The following NLRC5 variants were observed in gnomAD, a reference collection of about 807,000 sequenced individuals.
NLRC5 encodes NLR family CARD domain containing 5.
A neutral mutation model predicts 206.9 loss-of-function variants in NLRC5; 114 were observed. The ratio of observed to expected loss-of-function variants is 0.55; its 90% CI spans 0.47 to 0.64. The LOEUF (loss-of-function observed/expected upper bound fraction) is 0.64. Ranked by LOEUF, NLRC5 falls within the 30% of genes least tolerant of loss-of-function variation. The pLI, the probability that NLRC5 is intolerant of heterozygous loss-of-function variation, is 0.00. For missense variants in NLRC5, 2,008 were observed against 2,305.5 expected (o/e 0.87, Z 2.64); for synonymous variants, 952 against 962.8 (o/e 0.99, Z 0.21).
Position 57,041,467 on chromosome 16 carries a change from G to GT in NLRC5, c.2940-13dup, listed in dbSNP as rs35622257. The stretch of plus-strand genomic sequence containing the variant: ...TGTTCAGTGGGGCATGCAGCACTGT[G>GT]TTTTTGTCCCTGGGCAGGCTGACAC... On this transcript the variant is annotated splice_polypyrimidine_tract_variant and intron_variant, in intron 17 of 48. Coordinates refer to ENST00000688547, the MANE Select transcript of NLRC5 (RefSeq NM_001384950.1). The GT allele has an allele frequency of 0.28, 447,940 of 1,610,244 alleles. 65,697 individuals carry two copies. The highest frequency in any genetic ancestry group is 0.31 in the Admixed American group (18,279 of 59,898).
chr16:57,037,168 A>G (rs775514947), intron 14 of NLRC5, 27 bp from the exon 15 acceptor site: 6 of 1,601,634 alleles, frequency 3.7e-6, no homozygotes, highest in Admixed American at 3.3e-5. Flanking sequence ...CCACATGCCA[A>G]CGGCTGCCTT....
chr16:57,064,270 A>G (rs1459909832), intron 32 of NLRC5, among the ~76,000 whole-genome samples: 1 of 152,282 alleles, frequency 6.6e-6, no homozygotes, highest in Admixed American at 6.5e-5. Flanking sequence ...AGAAATACAT[A>G]AAGAAAATAG....
rs199475990 is a variant in NLRC5 at position 57,043,704 on chromosome 16, G to C, written c.3203+100G>C. The C allele has an allele frequency of 1.6e-4, 141 of 895,608 alleles. 1 individual carries two copies. The highest frequency in any genetic ancestry group is 1.1e-3 in the East Asian group (44 of 41,604). The allele number at this position is 895,608 out of a possible 1,614,324, so 55.5% of individuals were successfully genotyped here. A position where few individuals can be genotyped will look rare whatever the true frequency, so the allele number is the denominator to read the frequency against. On this transcript the variant is annotated intron_variant, in intron 20 of 48. Transcript: ENST00000688547. Reference sequence around the variant, plus strand: ...TTGTCCACCAGTTTCATGCCAACCTGTCATCCTCAGCACCTTGGGCAGTAC... The same window carrying C: ...TTGTCCACCAGTTTCATGCCAACCTCTCATCCTCAGCACCTTGGGCAGTAC...
At chr16:57,047,953 C>T (rs1355262652) in intron 23 of NLRC5, 1 of 365,584 alleles carries the variant, frequency 2.7e-6, no homozygotes, top group East Asian at 4.8e-5. Flanking sequence ...CCACTTGAAC[C>T]TGCCTGCATG....
chr16:57,082,603 T>G lies in NLRC5; in HGVS notation c.*75T>G. ...TCCACCTTTCGCCCACTGGGATAATTGACTCAGGAAAGAAGAGCCTCGGCA... is the reference window on the plus strand; with the variant it reads ...TCCACCTTTCGCCCACTGGGATAATGGACTCAGGAAAGAAGAGCCTCGGCA... On this transcript the variant is annotated 3_prime_UTR_variant, in exon 49 of 49. Coordinates refer to ENST00000688547, the MANE Select transcript of NLRC5 (RefSeq NM_001384950.1). 1 of 1,071,228 alleles carries G rather than the reference T, an allele frequency of 9.3e-7. No homozygotes were observed. The highest frequency in any genetic ancestry group is 1.4e-6 in the Non-Finnish European group (1 of 710,322). 66.4% of individuals were successfully genotyped at this position (1,071,228 alleles called of 1,614,324 possible).
In NLRC5 at chr16:57,025,398, G is replaced by A. The variant is rs143947320; in HGVS notation, c.455G>A (p.Arg152Gln). ...GCCAAGAAGTACCTGCAGCTCCTGC[G>A]GACCTCTGCCCAGCAGCGCTACAGG... ...ELAKKYLQLL[R>Q]TSAQQRYRSQ... The change falls in exon 6 of 49, where the codon CGG becomes CAG. Residue 152 changes from arginine to glutamine, a missense_variant. By Grantham distance (43) the Arg-to-Gln change is conservative. Coordinates refer to ENST00000688547, the MANE Select transcript of NLRC5 (RefSeq NM_001384950.1). 1.9e-4 allele frequency: 287 copies of A among 1,548,756 alleles called. 1 individual carries two copies. Among genetic ancestry groups the A allele is most frequent in the Middle Eastern group, 3.5e-4 (2 of 5,748 alleles).
Position 57,026,061 on chromosome 16 carries a change from A to T in NLRC5, c.1118A>T (p.Glu373Val). 6.2e-7 allele frequency: 1 copy of T among 1,614,024 alleles called. No individual in the cohort carries two copies. The highest frequency in any genetic ancestry group is 8.5e-7 in the Non-Finnish European group (1 of 1,180,022). The change falls in exon 6 of 49, where the codon GAA (glutamate) becomes GTA (valine). Residue 373 changes from glutamate (E) to valine (V), a missense_variant. Transcript: ENST00000688547. ...HMLGFDGPRV[E>V]EYVNHFFSAQ... ...TTGGGCTTTGATGGGCCACGGGTGG[A>T]AGAATATGTGAATCACTTCTTCAGC...
chr16:57,069,949 A>G (rs760724642), intron 37 of NLRC5, 30 bp downstream of exon 37: 1 of 1,540,820 alleles, frequency 6.5e-7, no homozygotes, highest in Non-Finnish European at 8.8e-7. Context: ...GATTGGGGAC[A>G]AGTGGCCCAG....
At chr16:57,004,855 T>C (rs821463) in intron 1 of NLRC5, among the ~76,000 whole-genome samples, 48,910 of 151,936 alleles carry the variant, frequency 0.32, 8,113 homozygotes, top group South Asian at 0.38. Context: ...GAAACCAGGG[T>C]GGGGTAAACT....
chr16:57,077,029 T>A, intron 40 of NLRC5, 127 bp downstream of exon 40: 1 of 848,884 alleles, frequency 1.2e-6, no homozygotes, highest in Non-Finnish European at 1.9e-6. Flanking sequence ...CTACACTGTG[T>A]AAACAACCTG....
chr16:57,039,726 T>C (rs747998839), intron 15 of NLRC5, 55 bp from the exon 16 acceptor site: 51 of 1,504,468 alleles, frequency 3.4e-5, no homozygotes, highest in Non-Finnish European at 4.3e-5. Flanking sequence ...CAAAAAGAAA[T>C]AGTAACAGGG....
In NLRC5 at chr16:57,070,613, G is replaced by A. The variant is rs1232809964; in HGVS notation, c.4662G>A (p.Arg1554=). 6.2e-7 allele frequency: 1 copy of A among 1,613,848 alleles called. No individual in the cohort carries two copies. Among genetic ancestry groups the A allele is most frequent in the Non-Finnish European group, 8.5e-7 (1 of 1,179,878 alleles). Residue 1554 remains arginine, a synonymous_variant, in exon 38 of 49, where the codon AGG becomes AGA. Coordinates refer to ENST00000688547, the MANE Select transcript of NLRC5 (RefSeq NM_001384950.1). ...TTGAGGGGAAATGGATGCTAAAGAGGCTGGAGTAAGTAGTGATGGTGGTTG... is the reference window on the plus strand; with the variant it reads ...TTGAGGGGAAATGGATGCTAAAGAGACTGGAGTAAGTAGTGATGGTGGTTG... ...RALEGKWMLK[R]LDLSHLLLNS...
chr16:57,064,673 C>T (rs2066898568), intron 32 of NLRC5, among the ~76,000 whole-genome samples: 1 of 152,202 alleles, frequency 6.6e-6, no homozygotes, highest in South Asian at 2.1e-4. Context: ...CCTGTAATCC[C>T]AGCACTTTGG....
At chr16:57,036,899 C>A (rs2062656064) in intron 14 of NLRC5, among the ~76,000 whole-genome samples, 1 of 152,034 alleles carries the variant, frequency 6.6e-6, no homozygotes, top group African/African-American at 2.4e-5. Flanking sequence ...CTGGTATAGT[C>A]AGGGCTCAGA....
rs1567531385 is a variant in NLRC5 at position 57,015,945 on chromosome 16, A to AAAAG, written c.-127-1121_-127-1118dup. On this transcript the variant is annotated intron_variant, in intron 1 of 48. Transcript: ENST00000688547. The stretch of plus-strand genomic sequence containing the variant: ...CATCTCAAAAAAAAAAAAAAAAAAA[A>AAAAG]AAAGAAAGAAAAGAAAAGAAGCACT... 4.7e-3 allele frequency among the ~76,000 whole-genome samples: 262 copies of AAAAG among 55,614 alleles called. 9 individuals carry two copies. In the East Asian group the frequency reaches 0.057, roughly 12 times the overall value. 36.5% of individuals were successfully genotyped at this position (55,614 alleles called of 152,430 possible).
intron 1 of NLRC5, among the ~76,000 whole-genome samples, chr16:56,997,239 C>G (rs1246881254): frequency 1.3e-5 from 2 of 152,094 alleles, no homozygotes. Flanking sequence ...CTATGAAATG[C>G]AGGAAACGTG....
In NLRC5 at chr16:57,022,318, G is replaced by A; in HGVS notation, c.355+3G>A. Reference sequence around the variant, plus strand: ...ACCTGAATCTCAGCTCCACCATGGTGAGGACTGGAGTTGGGGGGTGGGAAG... The same window carrying A: ...ACCTGAATCTCAGCTCCACCATGGTAAGGACTGGAGTTGGGGGGTGGGAAG... On this transcript the variant is annotated splice_donor_region_variant and intron_variant, in intron 4 of 48. Transcript: ENST00000688547. 2.5e-6 allele frequency: 4 copies of A among 1,609,760 alleles called. No homozygotes were observed. Among genetic ancestry groups the A allele is most frequent in the Non-Finnish European group, 3.4e-6 (4 of 1,176,544 alleles).
rs1165099413 is a variant in NLRC5, at chr16:57,057,899, GTGGTGATGGTGGTGATAC to G, written c.3747-149_3747-132del. Among the ~76,000 whole-genome samples, 23 of 152,102 alleles carry G rather than the reference GTGGTGATGGTGGTGATAC, an allele frequency of 1.5e-4. No individual in the cohort carries two copies. The East Asian group carries it at 3.5e-3, about 23-fold the overall frequency. On this transcript the variant is annotated intron_variant, in intron 27 of 48. Transcript: ENST00000688547. ...ACTGGTGGTGGTGACATTGGTGGTG[GTGGTGATGGTGGTGATAC>G]TGGTGATGGTGGTGATGGTGGTGGC...
At chr16:57,017,364 A>G (rs1567533842) in intron 2 of NLRC5, among the ~76,000 whole-genome samples, 176 bp downstream of exon 2, 2 of 152,224 alleles carry the variant, frequency 1.3e-5, no homozygotes, top group Admixed American at 1.3e-4. Flanking sequence ...CAGACACAGA[A>G]AATCAGGAAG....
Sources: gnomAD v4.1 joint callset for allele counts (sites outside exome capture counted in the v4.1 genomes callset) on GRCh38, gnomAD v4.1.1 for gene constraint, MANE v1.5 for transcripts, NCBI Gene and HGNC (gene_info 2026-07-23, HGNC 2026-07-21) for gene names.